FNDC8: variants seen among roughly 807,000 people sequenced by gnomAD.
The protein encoded by FNDC8 is fibronectin type III domain-containing protein 8.
FNDC8 carries 23 observed loss-of-function variants against 24.8 expected under a neutral mutation model. That is an observed-to-expected ratio of 0.93 (90% CI 0.67 to 1.31). The LOEUF is 1.31. Ranked by LOEUF, FNDC8 falls within the 40% of genes most tolerant of loss-of-function variation. The pLI is 0.00. For missense variants in FNDC8, 371 were observed against 398.2 expected (o/e 0.93, Z 0.58); for synonymous variants, 158 against 165.3 (o/e 0.96, Z 0.34).
chr17:35,123,783 C>A (rs2091839362), intron 1 of FNDC8, among the ~76,000 whole-genome samples: 1 of 151,988 alleles, frequency 6.6e-6, no homozygotes, highest in African/African-American at 2.4e-5. Context: ...AGATCAGGGA[C>A]CCTCAGCCCC....
chr17:35,129,749 C>A, intron 3 of FNDC8, 91 bp downstream of exon 3: 1 of 1,508,482 alleles, frequency 6.6e-7, no homozygotes. Flanking sequence ...CCCCTATGCC[C>A]ACATGACTCA....
intron 3 of FNDC8, 174 bp from the exon 4 acceptor site, chr17:35,130,108 G>A: frequency 7.0e-7 from 1 of 1,433,568 alleles, no homozygotes; most frequent in South Asian, 1.5e-5. Context: ...TAATGAGGAG[G>A]TACAGGCTTG....
At chr17:35,122,684 C>T (rs979786796) in intron 1 of FNDC8, among the ~76,000 whole-genome samples, 1 of 152,158 alleles carries the variant, frequency 6.6e-6, no homozygotes, top group Non-Finnish European at 1.5e-5. Flanking sequence ...AGCCTGCCTT[C>T]CTTCGGACTG....
chr17:35,121,992 T>TCC, intron 1 of FNDC8, 90 bp downstream of exon 1: 1 of 932,978 alleles, frequency 1.1e-6, no homozygotes, highest in Non-Finnish European at 1.5e-6. Context: ...CCTTCCTTTT[T>TCC]TTTTTTTTTT....
intron 1 of FNDC8, among the ~76,000 whole-genome samples, chr17:35,122,234 G>T (rs1247670362): frequency 5.7e-5 from 7 of 123,552 alleles, no homozygotes; most frequent in Non-Finnish European, 1.2e-4. Context: ...TAGAAACGGG[G>T]TTTCACCGTG....
rs776873967 is a variant in FNDC8, at chr17:35,127,244, G to A, written c.412G>A (p.Gly138Ser). The change falls in exon 2 of 4, where the codon GGC becomes AGC. Residue 138 changes from glycine to serine, a missense_variant. Coordinates refer to ENST00000158009, the MANE Select transcript of FNDC8 (RefSeq NM_017559.4). ...TGCAGAAAATGAGGACCTGGCGCTC[G>A]GCCCCTGCCCATGCCCATCGAAGTC... ...KNAENEDLAL[G>S]PCPCPSKSQM... The A allele has an allele frequency of 8.7e-6, 14 of 1,613,620 alleles. No individual in the cohort carries two copies. The highest frequency in any genetic ancestry group is 3.3e-5 in the Admixed American group (2 of 59,950).
At chr17:35,125,947 G>T (rs571579241) in intron 1 of FNDC8, among the ~76,000 whole-genome samples, 3 of 152,060 alleles carry the variant, frequency 2.0e-5, no homozygotes, top group Non-Finnish European at 4.4e-5. Flanking sequence ...TTGAGACAGG[G>T]TCTCACTCTG....
chr17:35,121,682 C>T lies in FNDC8; in HGVS notation c.-12C>T. ...TCCTGCATGGTGACGGGTGTCATCC[C>T]GAACAAATCAGATGGCATCAGAGGC... On this transcript the variant is annotated 5_prime_UTR_variant, in exon 1 of 4. Transcript: ENST00000158009. 5.6e-6 allele frequency: 9 copies of T among 1,613,672 alleles called. No individual in the cohort carries two copies. Among genetic ancestry groups the T allele is most frequent in the Non-Finnish European group, 7.6e-6 (9 of 1,179,784 alleles).
At chr17:35,122,204 AT>A (rs2091831858) in intron 1 of FNDC8, among the ~76,000 whole-genome samples, 1 of 9,556 alleles carries the variant, frequency 1.0e-4, no homozygotes, top group Admixed American at 2.3e-3. Context: ...ATATATATAT[AT>A]ATAAATTTTT....
chr17:35,121,755 A>C lies in FNDC8; in HGVS notation c.62A>C (p.Asn21Thr). The C allele has an allele frequency of 3.7e-6, 6 of 1,613,740 alleles. No individual in the cohort carries two copies. Among genetic ancestry groups the C allele is most frequent in the Non-Finnish European group, 5.1e-6 (6 of 1,179,818 alleles). The change falls in exon 1 of 4, where the codon AAC (asparagine) becomes ACC (threonine). Residue 21 changes from asparagine (N) to threonine (T), a missense_variant. Physicochemically the swap from Asn to Thr is moderately conservative, Grantham distance 65. Coordinates refer to ENST00000158009, the MANE Select transcript of FNDC8 (RefSeq NM_017559.4). The stretch of plus-strand genomic sequence containing the variant: ...GAGGAGGCTGTACTGAAGAAAGAAA[A>C]CTTCAACATGATGAATGCCCTTGAC... ...DGEEAVLKKENFNMMNALDQL... is the reference protein window; with the variant it reads ...DGEEAVLKKETFNMMNALDQL...
intron 1 of FNDC8, among the ~76,000 whole-genome samples, chr17:35,122,210 A>ATTTT (rs5820100): frequency 4.7e-4 from 21 of 44,790 alleles, no homozygotes; most frequent in African/African-American, 1.3e-3. Context: ...ATATATATAA[A>ATTTT]TTTTTTTTTT....
At chr17:35,122,442 T>C (rs1156868619) in intron 1 of FNDC8, among the ~76,000 whole-genome samples, 2 of 151,644 alleles carry the variant, frequency 1.3e-5, no homozygotes, top group African/African-American at 4.8e-5. Flanking sequence ...GAGAAGAGCG[T>C]GTGGGCAGGT....
intron 1 of FNDC8, among the ~76,000 whole-genome samples, chr17:35,124,753 T>C (rs2091842455): frequency 6.6e-6 from 1 of 151,648 alleles, no homozygotes; most frequent in Middle Eastern, 3.2e-3. Context: ...TAAAAAAATA[T>C]TGTTTTTTGT....
At chr17:35,122,156 T>TCATATATATATA (rs2091828924) in intron 1 of FNDC8, among the ~76,000 whole-genome samples, 1 of 67,704 alleles carries the variant, frequency 1.5e-5, no homozygotes, top group Non-Finnish European at 2.9e-5. Flanking sequence ...TGGCTAATTT[T>TCATATATATATA]CATATATATA....
Position 35,127,144 on chromosome 17 carries a change from GC to G in FNDC8, c.315del (p.Asn106ThrfsTer13), listed in dbSNP as rs1567740129. 2 of 1,614,200 alleles carry G rather than the reference GC, an allele frequency of 1.2e-6. No homozygotes were observed. The highest frequency in any genetic ancestry group is 2.2e-5 in the South Asian group (2 of 91,086). On this transcript the variant is annotated frameshift_variant, in exon 2 of 4. Coordinates refer to ENST00000158009, the MANE Select transcript of FNDC8 (RefSeq NM_017559.4). LOFTEE classifies it high-confidence loss of function. ...LNPIKLAVTQ[P>X]NSSFFAGMLE... ...ACCCCATCAAATTAGCTGTGACCCA[GC>G]CCAACAGCAGCTTCTTTGCAGGGAT...
chr17:35,128,989 G>A (rs1138723), intron 2 of FNDC8: 130,489 of 173,164 alleles, frequency 0.75, 49,941 homozygotes, highest in East Asian at 0.91. Flanking sequence ...CGTGCCTATG[G>A]GAATCTAATG....
At chr17:35,125,368 G>A (rs2091845169) in intron 1 of FNDC8, among the ~76,000 whole-genome samples, 1 of 149,396 alleles carries the variant, frequency 6.7e-6, no homozygotes, top group Non-Finnish European at 1.5e-5. Flanking sequence ...GAGCCTGGGA[G>A]TTTGTGCCAC....
rs777215406 is a variant in FNDC8 at position 35,130,315 on chromosome 17, C to T, written c.856C>T (p.Pro286Ser). Reference sequence around the variant, plus strand: ...CCTGGCCACTGACTTCAGCAGCTTTCCTGAGAACTACCCCATCCAGATCAC... The same window carrying T: ...CCTGGCCACTGACTTCAGCAGCTTTTCTGAGAACTACCCCATCCAGATCAC... Reference protein sequence around the residue: ...ATLATDFSSFPENYPIQITVR... With the variant: ...ATLATDFSSFSENYPIQITVR... The change falls in exon 4 of 4, where the codon CCT (proline) becomes TCT (serine). Residue 286 changes from proline (P) to serine (S), a missense_variant. Pro to Ser is a moderately conservative substitution (Grantham distance 74). Coordinates refer to ENST00000158009, the MANE Select transcript of FNDC8 (RefSeq NM_017559.4). The T allele has an allele frequency of 3.1e-6, 5 of 1,614,066 alleles. No homozygotes were observed. In the South Asian group the frequency reaches 4.4e-5, roughly 14 times the overall value.
intron 2 of FNDC8, 137 bp downstream of exon 2, chr17:35,127,554 C>T: frequency 9.3e-7 from 1 of 1,076,280 alleles, no homozygotes. Flanking sequence ...GAGGATGTGT[C>T]TGTAAAAACT....
Sources: allele counts gnomAD v4.1 joint callset (sites outside exome capture counted in the v4.1 genomes callset), GRCh38; gene constraint gnomAD v4.1.1; transcripts MANE v1.5; gene names NCBI Gene and HGNC (gene_info 2026-07-23, HGNC 2026-07-21).